PCM1: variants seen among roughly 807,000 people sequenced by gnomAD.
PCM1 encodes the protein pericentriolar material 1.
A neutral mutation model predicts 241.9 loss-of-function variants in PCM1; 157 were observed. The ratio of observed to expected loss-of-function variants is 0.65; its 90% CI spans 0.57 to 0.74. The LOEUF is 0.74. PCM1 is among the 30% of genes least tolerant of loss of function. The pLI is 0.00. For synonymous variants in PCM1, 1,085 were observed against 784.9 expected, an observed-to-expected ratio of 1.38 and a Z score of -6.39; for missense variants, 3,478 against 2,360.1, an observed-to-expected ratio of 1.47 and a Z score of -9.81.
At chr8:17,972,812 A>G (rs2077294544) in intron 23 of PCM1, 125 bp downstream of exon 23, 3 of 425,732 alleles carry the variant, frequency 7.0e-6, no homozygotes, top group Admixed American at 4.2e-5. Flanking sequence ...TTAGTTGAAC[A>G]GTCATTTTTA....
intron 24 of PCM1, among the ~76,000 whole-genome samples, 186 bp downstream of exon 24, chr8:17,980,941 C>T (rs2080522263): frequency 6.6e-6 from 1 of 152,130 alleles, no homozygotes; most frequent in Admixed American, 6.5e-5. Context: ...TTGTGTTATA[C>T]TATTTAATAG....
rs1429673449 is a variant in PCM1, at chr8:17,985,495, A to G, written c.4157A>G (p.Tyr1386Cys). Residue 1386 changes from tyrosine (Y) to cysteine (C), a missense_variant, in exon 25 of 39, where the codon TAT becomes TGT. Tyr to Cys is a radical substitution (Grantham distance 194, BLOSUM62 -2). Coordinates refer to ENST00000325083, the MANE Select transcript of PCM1 (RefSeq NM_006197.4). ...SMFEALRDTI[Y>C]SEVATLISQN... ...TTTGAAGCTTTGCGAGATACTATTT[A>G]TTCTGAAGTAGCTACATTAATTTCT... 6.4e-7 allele frequency: 1 copy of G among 1,569,694 alleles called. No individual in the cohort carries two copies. Among genetic ancestry groups the G allele is most frequent in the Non-Finnish European group, 8.7e-7 (1 of 1,154,856 alleles).
intron 15 of PCM1, among the ~76,000 whole-genome samples, chr8:17,961,034 T>A (rs1382507670): frequency 6.6e-6 from 1 of 152,178 alleles, no homozygotes; most frequent in East Asian, 1.9e-4. Context: ...CTGATTTGAC[T>A]TTTGCAGTTA....
chr8:18,000,613 T>TG (rs1432074482), intron 29 of PCM1, among the ~76,000 whole-genome samples: 2 of 143,546 alleles, frequency 1.4e-5, no homozygotes, highest in East Asian at 5.2e-4. Flanking sequence ...TGAAGAGCTC[T>TG]GTTTTTTTTG....
At chr8:18,022,171 G>C (rs2093806859) in intron 36 of PCM1, among the ~76,000 whole-genome samples, 1 of 152,128 alleles carries the variant, frequency 6.6e-6, no homozygotes, top group South Asian at 2.1e-4. Flanking sequence ...TAGACTCTTG[G>C]ACTTGACAAC....
chr8:17,989,598 A>G (rs2083795454), intron 26 of PCM1, among the ~76,000 whole-genome samples: 1 of 152,028 alleles, frequency 6.6e-6, no homozygotes, highest in Admixed American at 6.6e-5. Flanking sequence ...ATTAGAATTT[A>G]ATCAGTAGCT....
intron 22 of PCM1, among the ~76,000 whole-genome samples, chr8:17,971,327 G>A (rs951416637): frequency 1.5e-4 from 23 of 152,270 alleles, no homozygotes; most frequent in African/African-American, 4.8e-4. Context: ...TGTTGTTCAC[G>A]CTAGGTTCTG....
intron 2 of PCM1, chr8:17,926,538 C>T (rs1379989292): frequency 6.6e-6 from 1 of 152,138 alleles, no homozygotes; most frequent in African/African-American, 2.4e-5. Flanking sequence ...TAATAGTGAT[C>T]ACAGGCAATG....
chr8:17,985,416 T>A lies in PCM1; in HGVS notation c.4109-31T>A, dbSNP rs774176517. On this transcript the variant is annotated intron_variant, in intron 24 of 38. Transcript: ENST00000325083. ...AGTTGTCATGAAGGTACTTCATCAA[T>A]ATTAACTTTCTGGTCTTTTATGTAT... 5.4e-6 allele frequency: 8 copies of A among 1,494,768 alleles called. No individual in the cohort carries two copies. In the South Asian group the frequency reaches 1.0e-4, roughly 19 times the overall value. The allele number at this position is 1,494,768 out of a possible 1,614,324, so 92.6% of individuals were successfully genotyped here.
intron 21 of PCM1, 124 bp from the exon 22 acceptor site, chr8:17,969,453 T>A (rs1193751958): frequency 2.7e-5 from 19 of 706,328 alleles, no homozygotes; most frequent in South Asian, 8.2e-5. Context: ...CTTTTTTTTT[T>A]AATTAACAGT....
Position 18,026,509 on chromosome 8 carries a change from T to C in PCM1, c.6049+851T>C, listed in dbSNP as rs193165192. The stretch of plus-strand genomic sequence containing the variant: ...CTCCTGACCTCGTGATCCGCCTGCC[T>C]CAGCCTCCCAAAGTGCTGAGATTAC... On this transcript the variant is annotated intron_variant, in intron 38 of 38. Coordinates refer to ENST00000325083, the MANE Select transcript of PCM1 (RefSeq NM_006197.4). Among the ~76,000 whole-genome samples, 52 of 151,894 alleles carry C rather than the reference T, an allele frequency of 3.4e-4. 2 individuals carry two copies. The highest frequency in any genetic ancestry group is 3.4e-3 in the Middle Eastern group (1 of 294).
intron 24 of PCM1, among the ~76,000 whole-genome samples, chr8:17,981,088 T>C (rs1343027644): frequency 1.3e-5 from 2 of 152,216 alleles, no homozygotes; most frequent in African/African-American, 4.8e-5. Context: ...TGGCTTACTG[T>C]GCCTACAGGA....
intron 27 of PCM1, among the ~76,000 whole-genome samples, chr8:17,990,273 A>C (rs2299600): frequency 0.04 from 6,043 of 152,126 alleles, 152 homozygotes; most frequent in East Asian, 0.071. Flanking sequence ...GAAAATGTTA[A>C]TTTCCTTTTC....
At chr8:17,958,303 A>G (rs998002215) in intron 13 of PCM1, among the ~76,000 whole-genome samples, 1 of 152,182 alleles carries the variant, frequency 6.6e-6, no homozygotes, top group African/African-American at 2.4e-5. Flanking sequence ...AACCTACTGT[A>G]TATAAAAGAA....
chr8:17,941,159 T>G (rs2061903404), intron 6 of PCM1, among the ~76,000 whole-genome samples: 1 of 152,136 alleles, frequency 6.6e-6, no homozygotes, highest in Non-Finnish European at 1.5e-5. Flanking sequence ...TGTGGGGAAA[T>G]TCTTTTTCTA....
chr8:17,960,105 A>G lies in PCM1; in HGVS notation c.2132A>G (p.Asn711Ser), dbSNP rs746987862. 6.9e-6 allele frequency: 11 copies of G among 1,605,248 alleles called. No individual in the cohort carries two copies. In the South Asian group the frequency reaches 8.9e-5, roughly 13 times the overall value. The change falls in exon 14 of 39, where the codon AAT becomes AGT. Residue 711 changes from asparagine to serine, a missense_variant. Coordinates refer to ENST00000325083, the MANE Select transcript of PCM1 (RefSeq NM_006197.4). ...PAEEDTKQNS[N>S]NTRGNANKTQ... ...GAAGAAGACACCAAGCAAAATTCAA[A>G]TAACACTAGAGGAAATGCCAATAAA...
chr8:17,984,975 A>T (rs185131876), intron 24 of PCM1, among the ~76,000 whole-genome samples: 1 of 151,916 alleles, frequency 6.6e-6, no homozygotes, highest in African/African-American at 2.4e-5. Context: ...ACTATACTGG[A>T]TAGACCTTAA....
chr8:17,947,243 G>A lies in PCM1; in HGVS notation c.841G>A (p.Asp281Asn), dbSNP rs754881507. ...EEIENLKKQHDLLKRMLQQQE... is the reference protein window; with the variant it reads ...EEIENLKKQHNLLKRMLQQQE... ...GATAGAAAATTTGAAGAAACAACATGATTTATTAAAAAGAATGTTACAACA... is the reference window on the plus strand; with the variant it reads ...GATAGAAAATTTGAAGAAACAACATAATTTATTAAAAAGAATGTTACAACA... Residue 281 changes from aspartate (D) to asparagine (N), a missense_variant, in exon 7 of 39, where the codon GAT becomes AAT. Asp to Asn is a conservative substitution (Grantham distance 23). Transcript: ENST00000325083. 4 of 1,609,926 alleles carry A rather than the reference G, an allele frequency of 2.5e-6. No individual in the cohort carries two copies. In the East Asian group the frequency reaches 6.7e-5, roughly 27 times the overall value.
chr8:17,995,048 G>A (rs1486994127), intron 29 of PCM1, among the ~76,000 whole-genome samples: 2 of 151,306 alleles, frequency 1.3e-5, no homozygotes, highest in Admixed American at 1.3e-4. Context: ...CCATTTGTCT[G>A]CTTTTGCTTT....
Sources: gnomAD v4.1 joint callset for allele counts (sites outside exome capture counted in the v4.1 genomes callset) on GRCh38, gnomAD v4.1.1 for gene constraint, MANE v1.5 for transcripts, NCBI Gene and HGNC (gene_info 2026-07-23, HGNC 2026-07-21) for gene names.